RNF150: variants seen among roughly 807,000 people sequenced by gnomAD.
RNF150 encodes ring finger protein 150.
Under a neutral mutation model 39.3 loss-of-function variants are expected in RNF150, and 24 were observed. The observed-to-expected ratio is 0.61, with a 90% CI of 0.44 to 0.86. The LOEUF is 0.86. Ranked by LOEUF, RNF150 falls within the 40% of genes least tolerant of loss-of-function variation. RNF150 has a pLI of 0.00. For synonymous variants in RNF150, 255 were observed against 227.3 expected (o/e 1.12, Z -1.10); for missense variants, 502 against 587.8 (o/e 0.85, Z 1.51).
chr4:141,075,600 A>T (rs1372465493), intron 1 of RNF150, among the ~76,000 whole-genome samples: 7 of 152,218 alleles, frequency 4.6e-5, no homozygotes, highest in Admixed American at 2.0e-4. Context: ...TTTTAACACA[A>T]TTTTTATATT....
At chr4:140,888,933 C>T (rs1729668391) in intron 6 of RNF150, among the ~76,000 whole-genome samples, 1 of 152,182 alleles carries the variant, frequency 6.6e-6, no homozygotes, top group African/African-American at 2.4e-5. Flanking sequence ...ATCCCATTCA[C>T]TTCATACGAA....
intron 1 of RNF150, among the ~76,000 whole-genome samples, chr4:141,108,232 C>T (rs1028105266): frequency 2.6e-5 from 4 of 152,164 alleles, no homozygotes; most frequent in Non-Finnish European, 5.9e-5. Context: ...TCCTAGTTCT[C>T]ATAACTGGGT....
intron 1 of RNF150, among the ~76,000 whole-genome samples, chr4:141,126,772 A>C (rs1440760075): frequency 1.3e-5 from 2 of 152,198 alleles, no homozygotes; most frequent in African/African-American, 4.8e-5. Context: ...ATAAAGAATA[A>C]ATTTTAGAGC....
At chr4:141,169,452 A>G (rs1727663331) in intron 1 of RNF150, among the ~76,000 whole-genome samples, 1 of 152,184 alleles carries the variant, frequency 6.6e-6, no homozygotes, top group African/African-American at 2.4e-5. Context: ...TGACAAATAC[A>G]ATCAATACAT....
intron 1 of RNF150, among the ~76,000 whole-genome samples, chr4:141,112,871 T>C (rs1175399089): frequency 6.6e-6 from 1 of 152,104 alleles, no homozygotes; most frequent in African/African-American, 2.4e-5. Context: ...CAATCAAAGG[T>C]AGTTTTGGTC....
At chr4:141,027,952 T>TTTTTTTTTTTTTTTTTTTTTTTTTTTTG (rs1553938684) in intron 1 of RNF150, among the ~76,000 whole-genome samples, 1 of 71,576 alleles carries the variant, frequency 1.4e-5, no homozygotes, top group Non-Finnish European at 2.9e-5. Flanking sequence ...TTTTTTTTTT[T>TTTTTTTTTTTTTTTTTTTTTTTTTTTTG]CAATCCTGCT....
At chr4:140,908,387 A>G (rs1222945927) in intron 6 of RNF150, among the ~76,000 whole-genome samples, 1 of 152,230 alleles carries the variant, frequency 6.6e-6, no homozygotes, top group African/African-American at 2.4e-5. Flanking sequence ...AACCAGAAAT[A>G]TATGGTTTAG....
chr4:141,160,430 G>C (rs909894861), intron 1 of RNF150, among the ~76,000 whole-genome samples: 1 of 152,150 alleles, frequency 6.6e-6, no homozygotes, highest in African/African-American at 2.4e-5. Flanking sequence ...ATGTAACTTT[G>C]TATAAAGTGT....
chr4:140,919,502 G>A (rs1731009894), intron 5 of RNF150, among the ~76,000 whole-genome samples: 1 of 149,986 alleles, frequency 6.7e-6, no homozygotes, highest in African/African-American at 2.5e-5. Flanking sequence ...CCTCTTCAAG[G>A]AGAACTACAA....
intron 1 of RNF150, among the ~76,000 whole-genome samples, chr4:141,046,530 T>A (rs1394927332): frequency 6.6e-6 from 1 of 152,172 alleles, no homozygotes; most frequent in Non-Finnish European, 1.5e-5. Context: ...AGTTCACACT[T>A]TATGAGTCAT....
intron 1 of RNF150, among the ~76,000 whole-genome samples, chr4:141,178,024 CA>C (rs760416802): frequency 1.6e-4 from 25 of 151,814 alleles, no homozygotes; most frequent in Middle Eastern, 3.2e-3. Context: ...ATAAAACTGA[CA>C]AATCTGGTCA....
chr4:141,198,331 C>A (rs577180474), intron 1 of RNF150, among the ~76,000 whole-genome samples: 2 of 152,236 alleles, frequency 1.3e-5, no homozygotes, highest in South Asian at 4.1e-4. Flanking sequence ...CCAGCCTAGA[C>A]CACTCTTCTT....
intron 4 of RNF150, among the ~76,000 whole-genome samples, chr4:140,943,657 T>C (rs1732174682): frequency 6.6e-6 from 1 of 152,210 alleles, no homozygotes. Flanking sequence ...ACTAGACTAT[T>C]TCCTTTAGAG....
At chr4:140,972,288 A>G (rs917804252) in intron 1 of RNF150, among the ~76,000 whole-genome samples, 2 of 152,124 alleles carry the variant, frequency 1.3e-5, no homozygotes, top group Admixed American at 1.3e-4. Context: ...TGTAATTACT[A>G]CTTTTTGCAT....
At chr4:140,904,729 G>T (rs1730314145) in intron 6 of RNF150, among the ~76,000 whole-genome samples, 1 of 152,168 alleles carries the variant, frequency 6.6e-6, no homozygotes, top group Non-Finnish European at 1.5e-5. Context: ...TCTCTCAACT[G>T]TCTTGATTTA....
intron 1 of RNF150, among the ~76,000 whole-genome samples, chr4:141,161,762 C>T (rs1327086736): frequency 6.6e-6 from 1 of 152,222 alleles, no homozygotes; most frequent in Non-Finnish European, 1.5e-5. Context: ...CCCAGGTACA[C>T]CTCAGGCTGC....
intron 1 of RNF150, among the ~76,000 whole-genome samples, chr4:141,028,978 A>G (rs942767734): frequency 1.3e-5 from 2 of 152,198 alleles, no homozygotes; most frequent in Non-Finnish European, 2.9e-5. Flanking sequence ...TTATTAAGAT[A>G]TGCTATAATC....
intron 4 of RNF150, among the ~76,000 whole-genome samples, chr4:140,931,233 C>T (rs115046321): frequency 0.024 from 3,647 of 152,092 alleles, 52 homozygotes; most frequent in East Asian, 0.072. Context: ...ATTATGATTT[C>T]TACTCTTTTG....
In RNF150 at chr4:140,865,553, CTTTTTTTTTTTT is replaced by C. The variant is rs11384745; in HGVS notation, c.*2696_*2707del. The C allele has an allele frequency of 7.3e-5, 9 of 124,104 alleles. No individual in the cohort carries two copies. Among genetic ancestry groups the C allele is most frequent in the Admixed American group, 6.3e-4 (8 of 12,624 alleles). 7.7% of individuals were successfully genotyped at this position (124,104 alleles called of 1,614,324 possible). On this transcript the variant is annotated 3_prime_UTR_variant, in exon 7 of 7. Coordinates refer to ENST00000515673, the MANE Select transcript of RNF150 (RefSeq NM_020724.2). The stretch of plus-strand genomic sequence containing the variant: ...CTTTCTGGTTAAGCTTTTTTTTTTT[CTTTTTTTTTTTT>C]TTTTTAAACTATCAAAGCTACAGGA...
Sources: gnomAD v4.1 joint callset for allele counts (sites outside exome capture counted in the v4.1 genomes callset) on GRCh38, gnomAD v4.1.1 for gene constraint, MANE v1.5 for transcripts, NCBI Gene and HGNC (gene_info 2026-07-23, HGNC 2026-07-21) for gene names.